Variants in PTPRK observed in about 807,000 individuals in gnomAD.
PTPRK encodes the protein protein tyrosine phosphatase receptor type K.
Under a neutral mutation model 178.0 loss-of-function variants are expected in PTPRK, and 75 were observed. That is an observed-to-expected ratio of 0.42 (90% confidence interval 0.35 to 0.51). PTPRK has a LOEUF of 0.51. PTPRK is among the 20% of genes least tolerant of loss of function. The pLI is 0.02. For missense variants in PTPRK, 1,441 were observed against 1,797.8 expected (o/e 0.80, Z 3.59); for synonymous variants, 637 against 620.6 (o/e 1.03, Z -0.39).
intron 14 of PTPRK, 34 bp downstream of exon 14, chr6:128,009,096 T>C: frequency 6.5e-7 from 1 of 1,542,872 alleles, no homozygotes; most frequent in Non-Finnish European, 8.8e-7. Flanking sequence ...ACATAAATGG[T>C]AAGTGAGTGG....
chr6:127,983,169 G>A, intron 23 of PTPRK, 73 bp downstream of exon 23: 2 of 1,379,940 alleles, frequency 1.4e-6, no homozygotes, highest in Non-Finnish European at 1.9e-6. Flanking sequence ...GAGTATATAT[G>A]AGAGACATCT....
At chr6:128,218,487 T>C (rs6913738) in intron 6 of PTPRK, among the ~76,000 whole-genome samples, 7,964 of 152,252 alleles carry the variant, frequency 0.052, 505 homozygotes, top group African/African-American at 0.15. Flanking sequence ...AAATTCACTA[T>C]TGGGTTTTGA....
At position 127,969,534 on chromosome 6, in the gene PTPRK, C is replaced by T. The variant is rs963882128; in HGVS notation, c.*693G>A. 2 of 152,014 alleles carry T rather than the reference C, an allele frequency of 1.3e-5. No individual in the cohort carries two copies. Among genetic ancestry groups the T allele is most frequent in the Admixed American group, 1.3e-4 (2 of 15,262 alleles). The allele number at this position is 152,014 out of a possible 1,614,324, so 9.4% of individuals were successfully genotyped here. A position where few individuals can be genotyped will look rare whatever the true frequency, so the allele number is the denominator to read the frequency against. ...CAATTGATTTTAGCTAAAGAAAAAG[C>T]TTTCTTCAGGAAAAAAAAGATGATT... On this transcript the variant is annotated 3_prime_UTR_variant, in exon 30 of 30. Coordinates refer to ENST00000368226, the MANE Select transcript of PTPRK (RefSeq NM_002844.4).
At chr6:127,988,615 C>T (rs191456739) in intron 21 of PTPRK, among the ~76,000 whole-genome samples, 22 of 151,998 alleles carry the variant, frequency 1.4e-4, no homozygotes, top group African/African-American at 4.6e-4. Context: ...TCAGAAAATC[C>T]GTGTCCTAGA....
intron 1 of PTPRK, among the ~76,000 whole-genome samples, chr6:128,408,780 A>G (rs1841984417): frequency 6.6e-6 from 1 of 152,220 alleles, no homozygotes; most frequent in South Asian, 2.1e-4. Context: ...CTATAGGAAA[A>G]AATTGAAAGA....
intron 7 of PTPRK, among the ~76,000 whole-genome samples, chr6:128,148,757 A>T (rs1400982817): frequency 6.6e-6 from 1 of 152,144 alleles, no homozygotes; most frequent in Non-Finnish European, 1.5e-5. Context: ...CTTTTAAAAC[A>T]TTTTAGAGTT....
At chr6:128,036,643 T>TA (rs1448793917) in intron 13 of PTPRK, among the ~76,000 whole-genome samples, 8 of 151,876 alleles carry the variant, frequency 5.3e-5, no homozygotes, top group South Asian at 2.1e-4. Flanking sequence ...AAAGAGTTGG[T>TA]AAAAAAATAG....
intron 14 of PTPRK, 106 bp from the exon 15 acceptor site, chr6:128,005,350 T>C (rs1778297869): frequency 1.8e-6 from 2 of 1,129,784 alleles, no homozygotes; most frequent in Non-Finnish European, 2.5e-6. Flanking sequence ...GTTACAAACA[T>C]GGTTTAGAAA....
chr6:128,050,971 T>A (rs1232983021), intron 13 of PTPRK, among the ~76,000 whole-genome samples: 1 of 152,214 alleles, frequency 6.6e-6, no homozygotes, highest in African/African-American at 2.4e-5. Flanking sequence ...TTCAAACTTT[T>A]AAAAATTTCC....
intron 2 of PTPRK, among the ~76,000 whole-genome samples, chr6:128,364,717 G>A (rs1376917396): frequency 6.6e-6 from 1 of 151,954 alleles, no homozygotes; most frequent in African/African-American, 2.4e-5. Context: ...TCTCACCTAT[G>A]ATTTCACATA....
chr6:127,988,423 C>T (rs1416339377), intron 21 of PTPRK, among the ~76,000 whole-genome samples: 1 of 151,292 alleles, frequency 6.6e-6, no homozygotes, highest in Non-Finnish European at 1.5e-5. Flanking sequence ...CTTGCCTCAG[C>T]CTTCCAAGTA....
chr6:128,337,025 A>G (rs376837103), intron 2 of PTPRK, among the ~76,000 whole-genome samples: 1 of 152,186 alleles, frequency 6.6e-6, no homozygotes, highest in East Asian at 1.9e-4. Context: ...TTAACAGTTC[A>G]TGGTTCATAA....
intron 6 of PTPRK, among the ~76,000 whole-genome samples, chr6:128,202,023 G>A (rs1226774613): frequency 1.3e-5 from 2 of 152,260 alleles, no homozygotes; most frequent in East Asian, 1.9e-4. Context: ...AGTATGGAAA[G>A]TGAAGAAATT....
At chr6:128,278,144 T>C (rs909630031) in intron 3 of PTPRK, among the ~76,000 whole-genome samples, 1 of 149,838 alleles carries the variant, frequency 6.7e-6, no homozygotes, top group East Asian at 2.0e-4. Context: ...TATTTATTTA[T>C]TTATTTATTT....
intron 3 of PTPRK, among the ~76,000 whole-genome samples, chr6:128,261,318 G>C (rs1014711978): frequency 1.3e-5 from 2 of 152,100 alleles, no homozygotes; most frequent in African/African-American, 4.8e-5. Context: ...TGAGAATAAT[G>C]TTCTAGAGGG....
chr6:128,342,875 C>T (rs1306998955), intron 2 of PTPRK, among the ~76,000 whole-genome samples: 1 of 151,684 alleles, frequency 6.6e-6, no homozygotes, highest in East Asian at 1.9e-4. Context: ...TCACTTGAGC[C>T]CAGGAGTTTG....
chr6:128,505,642 A>C (rs1856226775), intron 1 of PTPRK, among the ~76,000 whole-genome samples: 1 of 152,150 alleles, frequency 6.6e-6, no homozygotes, highest in Non-Finnish European at 1.5e-5. Flanking sequence ...GAAAGTTAAC[A>C]GGGATTTCTA....
intron 10 of PTPRK, among the ~76,000 whole-genome samples, chr6:128,079,907 C>T (rs1340808436): frequency 1.3e-5 from 2 of 151,946 alleles, no homozygotes; most frequent in African/African-American, 4.8e-5. Context: ...CTTTCTAACA[C>T]ACAGATTATA....
chr6:128,019,563 A>C (rs1773155463), intron 13 of PTPRK, among the ~76,000 whole-genome samples: 2 of 152,024 alleles, frequency 1.3e-5, no homozygotes, highest in African/African-American at 2.4e-5. Context: ...TACATGTTCC[A>C]TGCCCCATCT....
Sources: gnomAD v4.1 joint callset for allele counts (sites outside exome capture counted in the v4.1 genomes callset) on GRCh38, gnomAD v4.1.1 for gene constraint, MANE v1.5 for transcripts, NCBI Gene and HGNC (gene_info 2026-07-23, HGNC 2026-07-21) for gene names.